The following NUP210 variants were observed in gnomAD, a reference collection of about 807,000 sequenced individuals.
NUP210 encodes nucleoporin 210, also known as nuclear pore membrane glycoprotein 210.
Under a neutral mutation model 196.0 loss-of-function variants are expected in NUP210, and 151 were observed. The ratio of observed to expected loss-of-function variants is 0.77; its 90% CI spans 0.67 to 0.88. NUP210 has a LOEUF of 0.88. Among genes scored for constraint, NUP210 ranks in the 40% least tolerant of loss-of-function variants. NUP210 has a pLI of 0.00. For synonymous variants in NUP210, 1,070 were observed against 1,052.7 expected (o/e 1.02, Z -0.32); for missense variants, 2,314 against 2,493.7 (o/e 0.93, Z 1.53).
At chr3:13,351,666 CTT>C (rs11292029) in intron 20 of NUP210, 7,878 of 436,932 alleles carry the variant, frequency 0.018, 414 homozygotes, top group African/African-American at 0.13. Flanking sequence ...TTTGATTTTT[CTT>C]TTTTTTTTTG....
chr3:13,392,041 C>T (rs905221952), intron 3 of NUP210, among the ~76,000 whole-genome samples: 4 of 152,254 alleles, frequency 2.6e-5, no homozygotes, highest in Admixed American at 2.6e-4. Flanking sequence ...CTAGAAGGGG[C>T]CATGCCACAC....
At chr3:13,368,241 A>G (rs1698607262) in intron 13 of NUP210, among the ~76,000 whole-genome samples, 1 of 152,032 alleles carries the variant, frequency 6.6e-6, no homozygotes, top group Admixed American at 6.6e-5. Context: ...ACACCAGGAT[A>G]GTTTTTTCAT....
chr3:13,354,345 G>C (rs1698093395), intron 16 of NUP210: 1 of 545,676 alleles, frequency 1.8e-6, no homozygotes, highest in African/African-American at 1.9e-5. Context: ...AACCACTAGG[G>C]GGCCTTCAGC....
intron 16 of NUP210, among the ~76,000 whole-genome samples, chr3:13,355,032 CT>C (rs1273656349): frequency 6.6e-6 from 1 of 152,258 alleles, no homozygotes; most frequent in Non-Finnish European, 1.5e-5. Flanking sequence ...ACAACTTGGA[CT>C]CAGCCCCAGC....
At chr3:13,372,083 GGGC>G in intron 12 of NUP210, 51 bp from the exon 13 acceptor site, 1 of 1,466,330 alleles carries the variant, frequency 6.8e-7, no homozygotes, top group Non-Finnish European at 9.2e-7. Flanking sequence ...AGGAGAGGCA[GGGC>G]CTGTTGCTCG....
At chr3:13,418,003 G>C (rs1170910657) in intron 1 of NUP210, among the ~76,000 whole-genome samples, 2 of 152,162 alleles carry the variant, frequency 1.3e-5, no homozygotes, top group East Asian at 3.8e-4. Flanking sequence ...ATATCCAAAG[G>C]GATTCACTTG....
intron 13 of NUP210, among the ~76,000 whole-genome samples, chr3:13,370,270 G>A (rs1698685818): frequency 6.6e-6 from 1 of 152,172 alleles, no homozygotes; most frequent in Non-Finnish European, 1.5e-5. Context: ...TGACACCACA[G>A]GATTCCCATC....
At chr3:13,417,948 G>C (rs1014934785) in intron 1 of NUP210, among the ~76,000 whole-genome samples, 5 of 152,112 alleles carry the variant, frequency 3.3e-5, no homozygotes, top group African/African-American at 1.2e-4. Flanking sequence ...TTTAGAAAAA[G>C]AAAAAAGTAC....
At chr3:13,403,597 C>A (rs568289979) in intron 1 of NUP210, among the ~76,000 whole-genome samples, 101 of 152,310 alleles carry the variant, frequency 6.6e-4, no homozygotes, top group African/African-American at 2.4e-3. Flanking sequence ...GAGGCCTGGC[C>A]TCCTGGTGGA....
chr3:13,406,429 A>G (rs916798665), intron 1 of NUP210, among the ~76,000 whole-genome samples: 2 of 152,190 alleles, frequency 1.3e-5, no homozygotes, highest in Non-Finnish European at 2.9e-5. Flanking sequence ...TGACCAGTAC[A>G]GGCTCTGGGC....
At chr3:13,370,162 T>C (rs1451733582) in intron 13 of NUP210, among the ~76,000 whole-genome samples, 1 of 151,750 alleles carries the variant, frequency 6.6e-6, no homozygotes, top group African/African-American at 2.4e-5. Context: ...GTTTCTAAGA[T>C]ACATATTTTC....
At chr3:13,341,630 G>A in intron 23 of NUP210, 118 bp downstream of exon 23, 8 of 1,211,612 alleles carry the variant, frequency 6.6e-6, no homozygotes, top group East Asian at 2.4e-5. Context: ...AGAGGACATT[G>A]TGGGACACAG....
At position 13,321,774 on chromosome 3, in the gene NUP210, G is replaced by C. The variant is rs1333094068; in HGVS notation, c.4977C>G (p.Ser1659Arg). 3.7e-6 allele frequency: 6 copies of C among 1,612,714 alleles called. No homozygotes were observed. The Admixed American group carries it at 5.0e-5, about 13-fold the overall frequency. The part of the protein sequence containing the change: ...RLTDKQRKHL[S>R]MKKTALVVSA... ...TGACCACCAGAGCTGTCTTCTTCATGCTCAGGTGCTTCCGCTGCTTGTCCG... is the reference window on the plus strand; with the variant it reads ...TGACCACCAGAGCTGTCTTCTTCATCCTCAGGTGCTTCCGCTGCTTGTCCG... Residue 1659 changes from serine to arginine, a missense_variant, in exon 36 of 40, where the codon AGC becomes AGG. By Grantham distance (110) the Ser-to-Arg change is moderately radical. Transcript: ENST00000254508.
At position 13,317,082 on chromosome 3, in the gene NUP210, A is replaced by G. The variant is rs1413564204; in HGVS notation, c.*599T>C. ...TCCTGTGTTCTCCAGCCTCTCGCTCACCCAGGGCTTGGCTATCCTGGCCTC... is the reference window on the plus strand; with the variant it reads ...TCCTGTGTTCTCCAGCCTCTCGCTCGCCCAGGGCTTGGCTATCCTGGCCTC... On this transcript the variant is annotated 3_prime_UTR_variant, in exon 40 of 40. Coordinates refer to ENST00000254508, the MANE Select transcript of NUP210 (RefSeq NM_024923.4). The G allele has an allele frequency of 6.5e-6, 1 of 153,710 alleles. No individual in the cohort carries two copies. Among genetic ancestry groups the G allele is most frequent in the Admixed American group, 6.4e-5 (1 of 15,554 alleles). 9.5% of individuals were successfully genotyped at this position (153,710 alleles called of 1,614,324 possible).
chr3:13,397,868 C>T (rs534000415), intron 2 of NUP210, among the ~76,000 whole-genome samples: 18 of 152,318 alleles, frequency 1.2e-4, no homozygotes, highest in South Asian at 6.2e-4. Flanking sequence ...TTAGGGATTA[C>T]GCTGGTGGTT....
chr3:13,410,065 T>C (rs559442380), intron 1 of NUP210, among the ~76,000 whole-genome samples: 17 of 151,812 alleles, frequency 1.1e-4, no homozygotes, highest in Non-Finnish European at 2.5e-4. Context: ...TTTCACCGTG[T>C]TGCCCAGGCT....
At chr3:13,412,149 G>A (rs1226856256) in intron 1 of NUP210, among the ~76,000 whole-genome samples, 1 of 151,888 alleles carries the variant, frequency 6.6e-6, no homozygotes, top group East Asian at 1.9e-4. Flanking sequence ...GACCTTCTGG[G>A]TTTAAGCAAT....
At chr3:13,338,129 C>T (rs924025657) in intron 25 of NUP210, among the ~76,000 whole-genome samples, 2 of 152,204 alleles carry the variant, frequency 1.3e-5, no homozygotes, top group Admixed American at 1.3e-4. Flanking sequence ...CCCAAGGCCC[C>T]GCAGGTCCCA....
chr3:13,344,945 C>A (rs1697664132), intron 20 of NUP210: 1 of 985,362 alleles, frequency 1.0e-6, no homozygotes. Flanking sequence ...GCTCCTCCAG[C>A]ACCTCTTCTC....
Sources: allele counts gnomAD v4.1 joint callset (sites outside exome capture counted in the v4.1 genomes callset), GRCh38; gene constraint gnomAD v4.1.1; transcripts MANE v1.5; gene names NCBI Gene and HGNC (gene_info 2026-07-23, HGNC 2026-07-21).